Variants in TSHR observed in about 807,000 individuals in gnomAD.
TSHR encodes thyrotropin receptor.
TSHR carries 51 observed loss-of-function variants against 64.1 expected under a neutral mutation model. The ratio of observed to expected loss-of-function variants is 0.80; its 90% CI spans 0.64 to 1.01. The LOEUF is 1.01. Among genes scored for constraint, TSHR ranks in the 50% least tolerant of loss-of-function variants. The pLI, the probability that TSHR is intolerant of heterozygous loss-of-function variation, is 0.00. For synonymous variants in TSHR, 361 were observed against 361.9 expected (o/e 1.00, Z 0.03); for missense variants, 877 against 942.8 (o/e 0.93, Z 0.91).
intron 1 of TSHR, among the ~76,000 whole-genome samples, chr14:81,041,106 G>A (rs919493195): frequency 1.3e-5 from 2 of 152,032 alleles, no homozygotes; most frequent in East Asian, 1.9e-4. Flanking sequence ...AAGGCGTGGC[G>A]ATTTCTCAAA....
chr14:81,031,980 A>C lies in TSHR; in HGVS notation c.171-30168A>C, dbSNP rs193172374. 6.4e-4 allele frequency among the ~76,000 whole-genome samples: 98 copies of C among 152,358 alleles called. 1 individual carries two copies. In the East Asian group the frequency reaches 0.019, roughly 29 times the overall value. ...TGCATAGGTATCAACAGAGGGACAC[A>C]AGAAACACGACACTGCCAAATAAGC... On this transcript the variant is annotated intron_variant, in intron 1 of 9. Transcript: ENST00000298171.
In TSHR at chr14:81,143,219, C is replaced by T. The variant is rs936602823; in HGVS notation, c.1161C>T (p.Tyr387=). 3 of 1,614,084 alleles carry T rather than the reference C, an allele frequency of 1.9e-6. No individual in the cohort carries two copies. Among genetic ancestry groups the T allele is most frequent in the Admixed American group, 1.7e-5 (1 of 60,010 alleles). ...AAGCTTTTGACAGCCATTATGACTACACCATATGTGGGGACAGTGAAGACA... is the reference window on the plus strand; with the variant it reads ...AAGCTTTTGACAGCCATTATGACTATACCATATGTGGGGACAGTGAAGACA... The part of the protein sequence containing the change: ...TLQAFDSHYD[Y]TICGDSEDMV... Residue 387 remains tyrosine (Y), a synonymous_variant, in exon 10 of 10, where the codon TAC becomes TAT. Transcript: ENST00000298171.
intron 7 of TSHR, among the ~76,000 whole-genome samples, chr14:81,100,714 T>G (rs957229905): frequency 2.0e-5 from 3 of 152,162 alleles, no homozygotes; most frequent in Non-Finnish European, 1.5e-5. Flanking sequence ...TTAAAGGATA[T>G]TACAAAGGAG....
At chr14:81,016,457 A>G (rs1364752691) in intron 1 of TSHR, among the ~76,000 whole-genome samples, 1 of 147,526 alleles carries the variant, frequency 6.8e-6, no homozygotes, top group Non-Finnish European at 1.5e-5. Context: ...TCCTTTGACC[A>G]TTTTTAATGG....
chr14:81,083,087 C>T (rs1164690437), intron 3 of TSHR, among the ~76,000 whole-genome samples: 1 of 152,074 alleles, frequency 6.6e-6, no homozygotes, highest in Non-Finnish European at 1.5e-5. Flanking sequence ...TCTTCTGTTC[C>T]TCATTCCCTC....
intron 3 of TSHR, among the ~76,000 whole-genome samples, chr14:81,081,112 G>A (rs1382872849): frequency 6.6e-6 from 1 of 152,086 alleles, no homozygotes; most frequent in Non-Finnish European, 1.5e-5. Flanking sequence ...GGGATTTGAG[G>A]CTGTAGTGCA....
At chr14:81,140,084 G>A (rs994189547) in intron 9 of TSHR, among the ~76,000 whole-genome samples, 55 of 152,228 alleles carry the variant, frequency 3.6e-4, no homozygotes, top group African/African-American at 1.3e-3. Context: ...TAGCGGTAGA[G>A]CAGAGGAGGT....
chr14:81,137,209 G>A (rs545088128), intron 8 of TSHR, among the ~76,000 whole-genome samples: 1 of 152,106 alleles, frequency 6.6e-6, no homozygotes, highest in Non-Finnish European at 1.5e-5. Flanking sequence ...TGTATTACAG[G>A]TGATTCTGAT....
At chr14:81,000,152 G>C (rs1400514254) in intron 1 of TSHR, among the ~76,000 whole-genome samples, 1 of 151,850 alleles carries the variant, frequency 6.6e-6, no homozygotes, top group South Asian at 2.1e-4. Flanking sequence ...GGCTGGTCTC[G>C]AACTCCTGAG....
At chr14:81,083,518 C>T (rs1447357549) in intron 3 of TSHR, among the ~76,000 whole-genome samples, 1 of 151,386 alleles carries the variant, frequency 6.6e-6, no homozygotes, top group Admixed American at 6.6e-5. Flanking sequence ...AGATAAAGGC[C>T]CAGTGTTGCT....
At chr14:81,128,851 A>T (rs1200740944) in intron 8 of TSHR, among the ~76,000 whole-genome samples, 4 of 150,892 alleles carry the variant, frequency 2.7e-5, no homozygotes, top group African/African-American at 9.8e-5. Flanking sequence ...ACTGCCCACC[A>T]CTCTTCATCC....
chr14:80,971,683 C>T (rs1200404844), intron 1 of TSHR, among the ~76,000 whole-genome samples: 1 of 152,188 alleles, frequency 6.6e-6, no homozygotes, highest in African/African-American at 2.4e-5. Context: ...ATTCTGCATC[C>T]TTTAAGTCTT....
chr14:81,075,525 A>G (rs1261884909), intron 3 of TSHR, among the ~76,000 whole-genome samples: 1 of 152,012 alleles, frequency 6.6e-6, no homozygotes, highest in African/African-American at 2.4e-5. Flanking sequence ...TTTAAGTTTT[A>G]GGGTACATGT....
intron 1 of TSHR, among the ~76,000 whole-genome samples, chr14:81,004,004 C>A (rs1889472440): frequency 6.6e-6 from 1 of 152,116 alleles, no homozygotes; most frequent in Non-Finnish European, 1.5e-5. Context: ...TTGCCCATAA[C>A]CCATGGTATA....
intron 3 of TSHR, among the ~76,000 whole-genome samples, chr14:81,071,456 TTAATG>T (rs1488064944): frequency 6.6e-6 from 1 of 152,208 alleles, no homozygotes; most frequent in East Asian, 1.9e-4. Flanking sequence ...AAGTGTTTCT[TTAATG>T]TAAAATTTTT....
chr14:81,041,018 T>C (rs1204911137), intron 1 of TSHR, among the ~76,000 whole-genome samples: 1 of 152,084 alleles, frequency 6.6e-6, no homozygotes, highest in Non-Finnish European at 1.5e-5. Flanking sequence ...AAATAACAGA[T>C]GCTGGTGAGG....
At chr14:81,093,883 C>T (rs968038515) in intron 6 of TSHR, 18 of 152,336 alleles carry the variant, frequency 1.2e-4, no homozygotes, top group African/African-American at 4.3e-4. Context: ...TAGTGCTCAT[C>T]ATAAGGAAAC....
chr14:80,995,184 C>G (rs1888945017), intron 1 of TSHR: 1 of 151,382 alleles, frequency 6.6e-6, no homozygotes, highest in South Asian at 2.1e-4. Context: ...CCATCTCATG[C>G]CAGTCAGAAT....
intron 1 of TSHR, among the ~76,000 whole-genome samples, chr14:81,029,047 T>A (rs1347242431): frequency 3.3e-5 from 5 of 151,762 alleles, no homozygotes; most frequent in African/African-American, 9.7e-5. Flanking sequence ...TTTAATAAAA[T>A]GGATATATTT....
Sources: allele counts gnomAD v4.1 joint callset (sites outside exome capture counted in the v4.1 genomes callset), GRCh38; gene constraint gnomAD v4.1.1; transcripts MANE v1.5; gene names NCBI Gene and HGNC (gene_info 2026-07-23, HGNC 2026-07-21).